The following ERBB4 variants were observed in gnomAD, a reference collection of about 807,000 sequenced individuals.
ERBB4 encodes the protein erb-b2 receptor tyrosine kinase 4.
ERBB4 carries 42 observed loss-of-function variants against 158.0 expected under a neutral mutation model. That is an observed-to-expected ratio of 0.27 (90% CI 0.21 to 0.34). The LOEUF (loss-of-function observed/expected upper bound fraction) is 0.34, where lower values mean the gene tolerates loss of function less well. Ranked by LOEUF, ERBB4 falls within the 10% of genes least tolerant of loss-of-function variation. The pLI is 1.00. For missense variants in ERBB4, 1,333 were observed against 1,624.1 expected, an observed-to-expected ratio of 0.82 and a Z score of 3.08; for synonymous variants, 583 against 558.7, an observed-to-expected ratio of 1.04 and a Z score of -0.61.
At chr2:211,786,513 A>G (rs2076168626) in intron 4 of ERBB4, among the ~76,000 whole-genome samples, 1 of 152,222 alleles carries the variant, frequency 6.6e-6, no homozygotes, top group Non-Finnish European at 1.5e-5. Flanking sequence ...ATACAGCCAC[A>G]GTTGCCTAAT....
At chr2:212,249,406 A>G (rs2084437355) in intron 1 of ERBB4, among the ~76,000 whole-genome samples, 1 of 147,798 alleles carries the variant, frequency 6.8e-6, no homozygotes, top group African/African-American at 2.5e-5. Context: ...AGATATTGTG[A>G]CAATCAAAAG....
In ERBB4 at chr2:211,788,159, T is replaced by C. The variant is rs1368944567; in HGVS notation, c.422A>G (p.Glu141Gly). 11 of 1,611,418 alleles carry C rather than the reference T, an allele frequency of 6.8e-6. No homozygotes were observed. The highest frequency in any genetic ancestry group is 9.3e-6 in the Non-Finnish European group (11 of 1,178,006). Residue 141 changes from glutamate (E) to glycine (G), a missense_variant and splice_region_variant, in exon 4 of 28, where the codon GAA becomes GGA. By Grantham distance (98) the Glu-to-Gly change is moderately conservative. Transcript: ENST00000342788. ...TACATAGACTCCACCATTTAGGATT[T>C]CTGTATTAAAAAACAAATAAACAAA... ...LQELGLKNLT[E>G]ILNGGVYVDQ...
At chr2:211,438,601 C>A (rs1438506967) in intron 20 of ERBB4, among the ~76,000 whole-genome samples, 1 of 152,102 alleles carries the variant, frequency 6.6e-6, no homozygotes, top group Non-Finnish European at 1.5e-5. Context: ...AATAAATAAG[C>A]ACAAATTTAT....
At chr2:211,696,325 G>T (rs555093480) in intron 12 of ERBB4, among the ~76,000 whole-genome samples, 177 of 152,146 alleles carry the variant, frequency 1.2e-3, no homozygotes, top group Non-Finnish European at 1.8e-3. Context: ...TGGCCAAGAT[G>T]ATCTTGAACT....
chr2:211,549,385 G>A (rs1337909653), intron 20 of ERBB4, among the ~76,000 whole-genome samples: 2 of 151,998 alleles, frequency 1.3e-5, no homozygotes, highest in Non-Finnish European at 2.9e-5. Flanking sequence ...GTTCTAGAGG[G>A]GGCTGGTAGT....
At chr2:212,233,592 C>T (rs1254304045) in intron 1 of ERBB4, among the ~76,000 whole-genome samples, 1 of 152,066 alleles carries the variant, frequency 6.6e-6, no homozygotes, top group African/African-American at 2.4e-5. Context: ...TTATCATTAT[C>T]ACACGTTTAT....
chr2:211,915,435 T>TTTTATATATATATATA (rs1553512119), intron 3 of ERBB4, among the ~76,000 whole-genome samples: 5 of 135,528 alleles, frequency 3.7e-5, no homozygotes, highest in African/African-American at 1.6e-4. Flanking sequence ...AGTTCAAACA[T>TTTTATATATATATATA]TACATATATA....
chr2:211,768,414 G>A (rs1033773541), intron 4 of ERBB4, among the ~76,000 whole-genome samples: 2 of 152,236 alleles, frequency 1.3e-5, no homozygotes, highest in African/African-American at 4.8e-5. Context: ...TGCCTCAGTA[G>A]GGACTCTGTG....
chr2:212,534,305 G>C (rs768895771), intron 1 of ERBB4, among the ~76,000 whole-genome samples: 2 of 152,142 alleles, frequency 1.3e-5, no homozygotes, highest in African/African-American at 2.4e-5. Context: ...TACTTAGAAA[G>C]AGCACAATTC....
At chr2:211,500,634 C>T (rs2065592164) in intron 20 of ERBB4, among the ~76,000 whole-genome samples, 1 of 152,024 alleles carries the variant, frequency 6.6e-6, no homozygotes, top group African/African-American at 2.4e-5. Context: ...GAAAATGAAA[C>T]ATCCAAAGAG....
chr2:211,995,987 C>A (rs2082192393), intron 2 of ERBB4, among the ~76,000 whole-genome samples: 1 of 152,090 alleles, frequency 6.6e-6, no homozygotes, highest in Admixed American at 6.6e-5. Flanking sequence ...TAGAATGATG[C>A]CTTAAGGTAT....
intron 1 of ERBB4, among the ~76,000 whole-genome samples, chr2:212,168,864 C>T (rs2081427087): frequency 6.6e-6 from 1 of 152,114 alleles, no homozygotes; most frequent in Admixed American, 6.6e-5. Context: ...GTTGGAATTA[C>T]AGTAATGTAA....
chr2:211,465,258 A>AT (rs1201794750), intron 20 of ERBB4, among the ~76,000 whole-genome samples: 1 of 151,346 alleles, frequency 6.6e-6, no homozygotes, highest in Non-Finnish European at 1.5e-5. Flanking sequence ...TATCTTGAAT[A>AT]TTTTGACCTC....
chr2:211,902,465 C>T (rs1448142454), intron 3 of ERBB4, among the ~76,000 whole-genome samples: 1 of 151,696 alleles, frequency 6.6e-6, no homozygotes, highest in Non-Finnish European at 1.5e-5. Context: ...CAGCTAAGAA[C>T]TAAATTATAG....
At chr2:211,550,819 T>C (rs2078015634) in intron 20 of ERBB4, among the ~76,000 whole-genome samples, 1 of 150,848 alleles carries the variant, frequency 6.6e-6, no homozygotes, top group African/African-American at 2.4e-5. Context: ...AATTAATTGT[T>C]CCTGGTTAGA....
intron 19 of ERBB4, among the ~76,000 whole-genome samples, chr2:211,567,131 C>T (rs1369739106): frequency 6.6e-6 from 1 of 152,130 alleles, no homozygotes; most frequent in Non-Finnish European, 1.5e-5. Context: ...TTCTCAGCTG[C>T]AAAATGAGGA....
chr2:212,537,135 C>CGGA (rs1693121636), intron 1 of ERBB4, among the ~76,000 whole-genome samples: 2 of 115,386 alleles, frequency 1.7e-5, no homozygotes, highest in Admixed American at 1.5e-4. Flanking sequence ...GCAAAGGAGG[C>CGGA]GGCGGCGGCG....
intron 19 of ERBB4, among the ~76,000 whole-genome samples, chr2:211,593,162 G>GGATA (rs2068528403): frequency 6.6e-6 from 1 of 152,110 alleles, no homozygotes; most frequent in South Asian, 2.1e-4. Context: ...AAAGCAGATT[G>GGATA]GATAGCCTTA....
chr2:211,598,488 AC>A (rs1302322885), intron 19 of ERBB4, among the ~76,000 whole-genome samples: 2 of 152,162 alleles, frequency 1.3e-5, no homozygotes, highest in African/African-American at 4.8e-5. Flanking sequence ...AGTAAAACTT[AC>A]ATCTGTTTGG....
Sources: allele counts gnomAD v4.1 joint callset (sites outside exome capture counted in the v4.1 genomes callset), GRCh38; gene constraint gnomAD v4.1.1; transcripts MANE v1.5; gene names NCBI Gene and HGNC (gene_info 2026-07-23, HGNC 2026-07-21).